BLTP2: variants seen among roughly 807,000 people sequenced by gnomAD.
The protein encoded by BLTP2 is bridge-like lipid transfer protein family member 2, also known as U937-associated antigen.
chr17:28,642,459 G>A, the BLTP2 span: 1 of 760,226 alleles, frequency 1.3e-6, no homozygotes, highest in Non-Finnish European at 2.3e-6. Context: ...AGACCATCCT[G>A]ACTAACACGG....
At chr17:28,635,540 G>A in the BLTP2 span, 2 of 1,614,138 alleles carry the variant, frequency 1.2e-6, no homozygotes, top group Non-Finnish European at 1.7e-6. Context: ...AGAGTGGCCA[G>A]GACATGCTGG....
chr17:28,617,013 A>G, the BLTP2 span: 7 of 1,578,740 alleles, frequency 4.4e-6, no homozygotes, highest in Non-Finnish European at 6.1e-6. Context: ...TAGGATAGAG[A>G]GTAAAGAAGA....
At chr17:28,624,156 T>G in the BLTP2 span, 2 of 1,511,898 alleles carry the variant, frequency 1.3e-6, no homozygotes, top group Non-Finnish European at 1.8e-6. Flanking sequence ...CACCCATTCA[T>G]ATTTAGAGGT....
At chr17:28,619,647 G>C in the BLTP2 span, 1 of 1,613,264 alleles carries the variant, frequency 6.2e-7, no homozygotes, top group South Asian at 1.1e-5. Flanking sequence ...AAAGAATGCT[G>C]GGGCACCTGA....
the BLTP2 span, chr17:28,636,984 C>T: frequency 1.5e-5 from 25 of 1,613,834 alleles, no homozygotes; most frequent in Middle Eastern, 1.6e-4. Flanking sequence ...GCGGATGCTG[C>T]TGTGATAGGT....
At chr17:28,638,592 T>C in the BLTP2 span, 10 of 1,613,578 alleles carry the variant, frequency 6.2e-6, no homozygotes, top group East Asian at 6.7e-5. Context: ...AATGTTGACA[T>C]TGGAGATGGA....
the BLTP2 span, chr17:28,634,529 T>TA: frequency 6.2e-7 from 1 of 1,613,018 alleles, no homozygotes; most frequent in East Asian, 2.2e-5. Context: ...AGAAAGCTCT[T>TA]GACATTGCAC....
At chr17:28,614,917 G>A in the BLTP2 span, 1 of 725,906 alleles carries the variant, frequency 1.4e-6, no homozygotes, top group East Asian at 2.5e-5. Context: ...ATGCCCTGCA[G>A]CGAACAGACC....
the BLTP2 span, among the ~76,000 whole-genome samples, chr17:28,644,664 G>C: frequency 8.5e-5 from 13 of 152,216 alleles, no homozygotes; most frequent in Non-Finnish European, 2.9e-5. Flanking sequence ...CTTGGCGAAA[G>C]GGACATGCAG....
the BLTP2 span, among the ~76,000 whole-genome samples, chr17:28,627,128 C>T: frequency 3.3e-5 from 5 of 152,214 alleles, no homozygotes; most frequent in Non-Finnish European, 7.3e-5. Flanking sequence ...AAAATTCCCA[C>T]ACATTTGGTC....
the BLTP2 span, chr17:28,628,698 G>A: frequency 1.5e-6 from 1 of 689,530 alleles, no homozygotes; most frequent in East Asian, 2.7e-5. Flanking sequence ...ACTTTGGGAG[G>A]CCGAAGTGGG....
At chr17:28,643,448 A>G in the BLTP2 span, 52 of 1,370,950 alleles carry the variant, frequency 3.8e-5, no homozygotes, top group African/African-American at 3.7e-4. Context: ...GCAGTTATCA[A>G]TATCTTCCTC....
At chr17:28,642,208 C>G in the BLTP2 span, 1 of 1,588,236 alleles carries the variant, frequency 6.3e-7, no homozygotes, top group East Asian at 2.2e-5. Context: ...AGGATGTAAG[C>G]CCTAAGCTCC....
At chr17:28,615,855 C>A in the BLTP2 span, 2 of 1,588,044 alleles carry the variant, frequency 1.3e-6, no homozygotes, top group Admixed American at 1.7e-5. Context: ...ACATCAGCTG[C>A]CATTTTGAGT....
the BLTP2 span, chr17:28,643,800 G>C: frequency 1.1e-6 from 1 of 923,610 alleles, no homozygotes; most frequent in African/African-American, 1.6e-5. Context: ...AATTAGAACA[G>C]TAAAATCTTC....
the BLTP2 span, chr17:28,618,847 CCT>C: frequency 2.5e-6 from 4 of 1,613,964 alleles, no homozygotes. Flanking sequence ...TGTCCATCTT[CCT>C]CTGTCAGGCG....
At chr17:28,643,013 A>C in the BLTP2 span, 1 of 1,525,166 alleles carries the variant, frequency 6.6e-7, no homozygotes, top group Non-Finnish European at 9.1e-7. Context: ...AAGGATGAAC[A>C]ATAATTAATG....
the BLTP2 span, chr17:28,639,800 A>C: frequency 2.7e-6 from 4 of 1,481,460 alleles, no homozygotes; most frequent in South Asian, 3.4e-5. Context: ...TCCACTCCCC[A>C]GTTACACTGA....
At chr17:28,642,182 T>C in the BLTP2 span, 1 of 1,580,768 alleles carries the variant, frequency 6.3e-7, no homozygotes, top group South Asian at 1.1e-5. Flanking sequence ...GGGAACCCCC[T>C]AAGGTCAAAG....
Sources: gnomAD v4.1 joint callset for allele counts (sites outside exome capture counted in the v4.1 genomes callset) on GRCh38, gnomAD v4.1.1 for gene constraint, MANE v1.5 for transcripts, NCBI Gene and HGNC (gene_info 2026-07-23, HGNC 2026-07-21) for gene names.